ASPH: variants seen among roughly 807,000 people sequenced by gnomAD.
The protein encoded by ASPH is aspartyl/asparaginyl beta-hydroxylase.
Under a neutral mutation model 118.4 loss-of-function variants are expected in ASPH, and 100 were observed. That is an observed-to-expected ratio of 0.84 (90% CI 0.72 to 1.00). ASPH has a LOEUF of 1.00. ASPH is among the 50% of genes least tolerant of loss of function. The pLI, the probability that ASPH is intolerant of heterozygous loss-of-function variation, is 0.00. For missense variants in ASPH, 920 were observed against 919.5 expected (o/e 1.00, Z -0.01); for synonymous variants, 315 against 325.6 (o/e 0.97, Z 0.35).
At chr8:61,688,750 G>A (rs983444511) in intron 1 of ASPH, among the ~76,000 whole-genome samples, 3 of 152,138 alleles carry the variant, frequency 2.0e-5, no homozygotes, top group African/African-American at 7.2e-5. Context: ...AGATGCAACA[G>A]CTGATTTTTC....
chr8:61,562,998 G>T, intron 17 of ASPH, 118 bp from the exon 18 acceptor site: 2 of 1,050,150 alleles, frequency 1.9e-6, no homozygotes, highest in East Asian at 2.9e-5. Flanking sequence ...CTCAAATCTG[G>T]CTTTATTAGT....
At chr8:61,702,277 CTTCTTTTTTTTTTTTT>C (rs1186575491) in intron 1 of ASPH, among the ~76,000 whole-genome samples, 19 of 141,994 alleles carry the variant, frequency 1.3e-4, no homozygotes, top group African/African-American at 5.0e-4. Flanking sequence ...CAAATAGCTA[CTTCTTTTTTTTTTTTT>C]TTTTTTTTTT....
At chr8:61,620,184 C>A (rs1043301777) in intron 13 of ASPH, among the ~76,000 whole-genome samples, 5 of 152,164 alleles carry the variant, frequency 3.3e-5, no homozygotes, top group Non-Finnish European at 7.3e-5. Flanking sequence ...TGAAATCTAG[C>A]GTGCCAGGCT....
intron 1 of ASPH, among the ~76,000 whole-genome samples, chr8:61,709,340 T>TA (rs1169080435): frequency 6.6e-6 from 1 of 151,768 alleles, no homozygotes; most frequent in Non-Finnish European, 1.5e-5. Flanking sequence ...AAAGTATAAT[T>TA]AAAAAAAAGT....
intron 15 of ASPH, among the ~76,000 whole-genome samples, chr8:61,581,483 C>T (rs1442026709): frequency 6.6e-6 from 1 of 152,218 alleles, no homozygotes; most frequent in Non-Finnish European, 1.5e-5. Context: ...ATTCCTGCAG[C>T]TGCATGGTAG....
intron 8 of ASPH, 55 bp from the exon 9 acceptor site, chr8:61,643,488 G>A: frequency 1.3e-6 from 2 of 1,504,234 alleles, no homozygotes; most frequent in Non-Finnish European, 1.8e-6. Context: ...CACATTGCCA[G>A]ACAGCATTCT....
chr8:61,674,735 C>T (rs970426939), intron 3 of ASPH, among the ~76,000 whole-genome samples: 7 of 152,056 alleles, frequency 4.6e-5, no homozygotes, highest in Non-Finnish European at 1.0e-4. Context: ...TTGTCATAGT[C>T]CCCTCAGAAT....
chr8:61,599,439 T>A (rs1478217727), intron 14 of ASPH, among the ~76,000 whole-genome samples: 1 of 147,538 alleles, frequency 6.8e-6, no homozygotes, highest in East Asian at 2.0e-4. Context: ...CTGCACGTTG[T>A]GCACATGTAC....
intron 3 of ASPH, among the ~76,000 whole-genome samples, chr8:61,670,737 G>C (rs540791112): frequency 6.6e-6 from 1 of 151,792 alleles, no homozygotes; most frequent in African/African-American, 2.4e-5. Context: ...GGCTAGCTTT[G>C]GAAACCAGAG....
At chr8:61,509,005 C>A (rs527933585) in intron 24 of ASPH, among the ~76,000 whole-genome samples, 2 of 126,334 alleles carry the variant, frequency 1.6e-5, no homozygotes, top group Non-Finnish European at 3.8e-5. Flanking sequence ...CATTGTCACA[C>A]TTCTTCTTCT....
chr8:61,559,223 T>C (rs1275367158), intron 18 of ASPH, among the ~76,000 whole-genome samples: 1 of 152,218 alleles, frequency 6.6e-6, no homozygotes, highest in Admixed American at 6.5e-5. Flanking sequence ...CATGTTCTTT[T>C]CTCTAGCTTA....
chr8:61,568,024 C>T (rs926516387), intron 16 of ASPH, among the ~76,000 whole-genome samples: 2 of 151,974 alleles, frequency 1.3e-5, no homozygotes, highest in East Asian at 3.9e-4. Flanking sequence ...AGTGAGGAAT[C>T]GAGGACAGGC....
At chr8:61,672,286 G>A (rs931939990) in intron 3 of ASPH, among the ~76,000 whole-genome samples, 1 of 152,046 alleles carries the variant, frequency 6.6e-6, no homozygotes, top group Non-Finnish European at 1.5e-5. Context: ...ACCCTCTACA[G>A]TAAGTGGGGA....
chr8:61,528,789 A>C (rs1430708420), intron 21 of ASPH, among the ~76,000 whole-genome samples: 1 of 152,120 alleles, frequency 6.6e-6, no homozygotes, highest in Non-Finnish European at 1.5e-5. Flanking sequence ...AATAGTAATA[A>C]TTTTTTAAGA....
chr8:61,503,314 AAGGC>A lies in ASPH; in HGVS notation c.*41_*44del. 6.4e-7 allele frequency: 1 copy of A among 1,561,226 alleles called. No individual in the cohort carries two copies. The highest frequency in any genetic ancestry group is 8.7e-7 in the Non-Finnish European group (1 of 1,148,594). ...TCACACCCAAGGAGATGGAACCAGAAAGGCAGCCTCTCTCCAGAGTTTCCCAAGC... is the reference window on the plus strand; with the variant it reads ...TCACACCCAAGGAGATGGAACCAGAAAGCCTCTCTCCAGAGTTTCCCAAGC... On this transcript the variant is annotated 3_prime_UTR_variant, in exon 25 of 25. Coordinates refer to ENST00000379454, the MANE Select transcript of ASPH (RefSeq NM_004318.4).
intron 1 of ASPH, among the ~76,000 whole-genome samples, chr8:61,694,886 C>T (rs181786344): frequency 2.6e-4 from 40 of 152,294 alleles, no homozygotes; most frequent in African/African-American, 7.7e-4. Context: ...GTTCAGTGTC[C>T]TAAATCTCAG....
intron 19 of ASPH, among the ~76,000 whole-genome samples, chr8:61,554,884 A>G (rs1827300598): frequency 6.6e-6 from 1 of 152,086 alleles, no homozygotes; most frequent in African/African-American, 2.4e-5. Context: ...GTTGATTTTT[A>G]GAATTTTCTG....
intron 22 of ASPH, among the ~76,000 whole-genome samples, chr8:61,520,536 T>C (rs1411736575): frequency 6.6e-6 from 1 of 152,264 alleles, no homozygotes; most frequent in Non-Finnish European, 1.5e-5. Flanking sequence ...AGTAACCTTT[T>C]TGGCTCTTAA....
chr8:61,681,713 G>A (rs1828158689), intron 2 of ASPH, among the ~76,000 whole-genome samples: 1 of 151,462 alleles, frequency 6.6e-6, no homozygotes, highest in Non-Finnish European at 1.5e-5. Flanking sequence ...TCTATACTAA[G>A]AAAAAAAGGG....
Sources: allele counts gnomAD v4.1 joint callset (sites outside exome capture counted in the v4.1 genomes callset), GRCh38; gene constraint gnomAD v4.1.1; transcripts MANE v1.5; gene names NCBI Gene and HGNC (gene_info 2026-07-23, HGNC 2026-07-21).